The following GALNTL6 variants were observed in gnomAD, a reference collection of about 807,000 sequenced individuals.
The protein encoded by GALNTL6 is polypeptide N-acetylgalactosaminyltransferase like 6.
In GALNTL6, 46 loss-of-function variants were observed where a neutral mutation model predicts 73.7. That is an observed-to-expected ratio of 0.62 (90% CI 0.49 to 0.80). GALNTL6 has a LOEUF of 0.80. Among genes scored for constraint, GALNTL6 ranks in the 30% least tolerant of loss-of-function variants. The pLI is 0.00. For synonymous variants in GALNTL6, 259 were observed against 263.7 expected, an observed-to-expected ratio of 0.98 and a Z score of 0.17; for missense variants, 604 against 755.0, an observed-to-expected ratio of 0.80 and a Z score of 2.34.
rs7689558 is a variant in GALNTL6, at chr4:172,516,394, T to C, written c.553+167705T>C. ...TTCATGACTCCTCACATATTGGAAATAATAATTTTCAATTATTGAATCGAG... is the reference window on the plus strand; with the variant it reads ...TTCATGACTCCTCACATATTGGAAACAATAATTTTCAATTATTGAATCGAG... On this transcript the variant is annotated intron_variant, in intron 5 of 12. Transcript: ENST00000506823. 8.4e-3 allele frequency among the ~76,000 whole-genome samples: 1,274 copies of C among 152,286 alleles called. 10 individuals carry two copies. Among genetic ancestry groups the C allele is most frequent in the African/African-American group, 0.029 (1,207 of 41,550 alleles).
intron 2 of GALNTL6, among the ~76,000 whole-genome samples, chr4:172,022,535 A>C (rs1741438082): frequency 6.6e-6 from 1 of 152,010 alleles, no homozygotes; most frequent in Non-Finnish European, 1.5e-5. Flanking sequence ...CAGTATCATC[A>C]TTCCACCAGT....
intron 5 of GALNTL6, among the ~76,000 whole-genome samples, chr4:172,574,785 T>C (rs952362265): frequency 1.3e-5 from 2 of 152,156 alleles, no homozygotes; most frequent in African/African-American, 2.4e-5. Flanking sequence ...TCTAAATATA[T>C]ATAATTCCTT....
At chr4:171,846,146 A>G (rs1047541895) in intron 2 of GALNTL6, among the ~76,000 whole-genome samples, 5 of 152,166 alleles carry the variant, frequency 3.3e-5, no homozygotes, top group Non-Finnish European at 5.9e-5. Context: ...ATTTCCCATC[A>G]TGTCAGTATA....
At chr4:172,197,723 A>G (rs1735818120) in intron 2 of GALNTL6, among the ~76,000 whole-genome samples, 1 of 152,202 alleles carries the variant, frequency 6.6e-6, no homozygotes, top group South Asian at 2.1e-4. Context: ...TTTTGGGAGA[A>G]CTGGTTAGCC....
intron 2 of GALNTL6, among the ~76,000 whole-genome samples, chr4:172,227,049 A>C (rs1157320155): frequency 6.6e-6 from 1 of 152,124 alleles, no homozygotes; most frequent in Non-Finnish European, 1.5e-5. Flanking sequence ...GCTCCCCAAA[A>C]TCCCTGGAAA....
intron 8 of GALNTL6, among the ~76,000 whole-genome samples, chr4:172,893,334 T>C (rs1746140757): frequency 7.0e-6 from 1 of 143,092 alleles, no homozygotes; most frequent in East Asian, 1.9e-4. Context: ...TTCTAAGTGT[T>C]CTGAGAGTGG....
chr4:171,995,141 T>C (rs1414950035), intron 2 of GALNTL6, among the ~76,000 whole-genome samples: 1 of 151,934 alleles, frequency 6.6e-6, no homozygotes, highest in Non-Finnish European at 1.5e-5. Flanking sequence ...GCTGATGGGA[T>C]TGTAATCAGA....
intron 5 of GALNTL6, among the ~76,000 whole-genome samples, chr4:172,438,657 C>T (rs898976937): frequency 6.6e-6 from 1 of 151,964 alleles, no homozygotes; most frequent in African/African-American, 2.4e-5. Context: ...TTAAAAGTGA[C>T]TAGAAAAAAA....
At chr4:172,216,404 C>G (rs1472763538) in intron 2 of GALNTL6, among the ~76,000 whole-genome samples, 2 of 151,602 alleles carry the variant, frequency 1.3e-5, no homozygotes, top group East Asian at 3.9e-4. Flanking sequence ...AAAAATATGT[C>G]CTTTAGAAGT....
intron 3 of GALNTL6, among the ~76,000 whole-genome samples, chr4:172,275,084 T>C (rs1206794300): frequency 6.6e-6 from 1 of 152,208 alleles, no homozygotes; most frequent in Admixed American, 6.5e-5. Context: ...TCTATTAAAC[T>C]GAGGAATATA....
chr4:172,871,759 T>TTTTGTTTGTTTGTTTG lies in GALNTL6; in HGVS notation c.924-11019_924-11004dup, dbSNP rs113501777. On this transcript the variant is annotated intron_variant, in intron 7 of 12. Transcript: ENST00000506823. ...GATACTGGTAAAGTTTAGCATAGTT[T>TTTTGTTTGTTTGTTTG]TTTGTTTGTTTGTTTGTTTGTTTGT... 6.4e-3 allele frequency among the ~76,000 whole-genome samples: 959 copies of TTTTGTTTGTTTGTTTG among 150,546 alleles called. 9 individuals carry two copies. Among genetic ancestry groups the TTTTGTTTGTTTGTTTG allele is most frequent in the Middle Eastern group, 0.017 (5 of 292 alleles).
At chr4:172,052,301 T>C (rs1730897690) in intron 2 of GALNTL6, 2 of 593,748 alleles carry the variant, frequency 3.4e-6, no homozygotes, top group Non-Finnish European at 6.0e-6. Flanking sequence ...GTACCACACT[T>C]CCCAGGGAAG....
chr4:172,821,185 C>G (rs1322400048), intron 7 of GALNTL6, among the ~76,000 whole-genome samples: 1 of 152,206 alleles, frequency 6.6e-6, no homozygotes, highest in Non-Finnish European at 1.5e-5. Context: ...AAAGTAGATA[C>G]TGTGGTTTTC....
intron 3 of GALNTL6, among the ~76,000 whole-genome samples, chr4:172,233,563 T>A (rs1401069459): frequency 6.6e-6 from 1 of 152,164 alleles, no homozygotes; most frequent in Non-Finnish European, 1.5e-5. Flanking sequence ...GACTCTATTA[T>A]AAATTAAGTT....
chr4:172,295,534 T>TTTTTTTTTTTTTTTTTTTTTTG (rs1739641892), intron 3 of GALNTL6, among the ~76,000 whole-genome samples: 1 of 1,996 alleles, frequency 5.0e-4, no homozygotes, highest in Non-Finnish European at 2.0e-3. Context: ...TTTTTAGGTT[T>TTTTTTTTTTTTTTTTTTTTTTG]TTTTTTTTTT....
At chr4:172,633,217 T>C (rs1739491344) in intron 5 of GALNTL6, among the ~76,000 whole-genome samples, 1 of 152,088 alleles carries the variant, frequency 6.6e-6, no homozygotes, top group African/African-American at 2.4e-5. Flanking sequence ...GATCCACCGA[T>C]AGCTTGGACA....
chr4:172,346,412 A>C (rs1741741304), intron 4 of GALNTL6, among the ~76,000 whole-genome samples: 1 of 152,198 alleles, frequency 6.6e-6, no homozygotes, highest in Non-Finnish European at 1.5e-5. Context: ...GCCCATGTCC[A>C]AAACGTAAGA....
At chr4:172,928,173 C>A (rs1390622740) in intron 8 of GALNTL6, among the ~76,000 whole-genome samples, 1 of 152,138 alleles carries the variant, frequency 6.6e-6, no homozygotes. Context: ...CAAAAGATAC[C>A]ATATGACCTA....
intron 2 of GALNTL6, among the ~76,000 whole-genome samples, chr4:171,959,735 G>A (rs951208811): frequency 3.3e-5 from 5 of 152,116 alleles, no homozygotes; most frequent in African/African-American, 1.2e-4. Flanking sequence ...AGAGCAATTG[G>A]CAATGTGAGC....
Sources: gnomAD v4.1 joint callset for allele counts (sites outside exome capture counted in the v4.1 genomes callset) on GRCh38, gnomAD v4.1.1 for gene constraint, MANE v1.5 for transcripts, NCBI Gene and HGNC (gene_info 2026-07-23, HGNC 2026-07-21) for gene names.